The following TMOD1 variants were observed in gnomAD, a reference collection of about 807,000 sequenced individuals.
TMOD1 encodes tropomodulin-1.
TMOD1 carries 17 observed loss-of-function variants against 40.6 expected under a neutral mutation model. The ratio of observed to expected loss-of-function variants is 0.42; its 90% CI spans 0.29 to 0.63. TMOD1 has a LOEUF of 0.63. Among genes scored for constraint, TMOD1 ranks in the 20% least tolerant of loss-of-function variants. The probability of loss-of-function intolerance (pLI) is 0.22; values close to 1 mark genes in which losing one functional copy is unlikely to be tolerated. For missense variants in TMOD1, 391 were observed against 447.6 expected, an observed-to-expected ratio of 0.87 and a Z score of 1.14; for synonymous variants, 181 against 175.0, an observed-to-expected ratio of 1.03 and a Z score of -0.27.
chr9:97,560,728 G>T (rs929466274), intron 4 of TMOD1, among the ~76,000 whole-genome samples: 2 of 150,454 alleles, frequency 1.3e-5, no homozygotes, highest in Non-Finnish European at 3.0e-5. Flanking sequence ...AAAAATTACA[G>T]GATGACACTC....
chr9:97,577,821 T>C (rs1825644335), intron 8 of TMOD1, among the ~76,000 whole-genome samples: 1 of 152,204 alleles, frequency 6.6e-6, no homozygotes, highest in Non-Finnish European at 1.5e-5. Flanking sequence ...TAGTTTTCCT[T>C]AGATTGACAG....
At chr9:97,570,357 T>G (rs916895033) in intron 8 of TMOD1, among the ~76,000 whole-genome samples, 1 of 152,230 alleles carries the variant, frequency 6.6e-6, no homozygotes, top group Non-Finnish European at 1.5e-5. Flanking sequence ...GAAGTTTCAC[T>G]TTATCTTAGT....
intron 6 of TMOD1, among the ~76,000 whole-genome samples, chr9:97,565,034 A>T (rs1830706177): frequency 1.3e-5 from 2 of 152,172 alleles, no homozygotes; most frequent in South Asian, 4.1e-4. Flanking sequence ...AGCTAAAGTG[A>T]CGCTCTGAGA....
chr9:97,554,468 A>C (rs1388153461), intron 4 of TMOD1, among the ~76,000 whole-genome samples: 2 of 151,526 alleles, frequency 1.3e-5, no homozygotes, highest in Non-Finnish European at 2.9e-5. Context: ...TTCCCATTCA[A>C]GATAGAGATT....
At chr9:97,509,684 C>T (rs1829664362) in intron 1 of TMOD1, among the ~76,000 whole-genome samples, 2 of 151,770 alleles carry the variant, frequency 1.3e-5, no homozygotes. Flanking sequence ...TTAGGCGAGA[C>T]GGGGTTTCAC....
Position 97,601,648 on chromosome 9 carries a change from C to T in TMOD1, c.*1950C>T. The T allele has an allele frequency of 1.1e-6, 1 of 895,026 alleles. No homozygotes were observed. The highest frequency in any genetic ancestry group is 1.3e-6 in the Non-Finnish European group (1 of 746,640). The allele number at this position is 895,026 out of a possible 1,614,324, so 55.4% of individuals were successfully genotyped here. A position where few individuals can be genotyped will look rare whatever the true frequency, so the allele number is the denominator to read the frequency against. ...CAGTAAAAATTTCCGATTTTGCAGG[C>T]CACATAGTGTCTGTTGCAACTATTC... is the stretch of plus-strand genomic sequence containing the variant. On this transcript the variant is annotated 3_prime_UTR_variant, in exon 10 of 10. Coordinates refer to ENST00000259365, the MANE Select transcript of TMOD1 (RefSeq NM_003275.4).
chr9:97,529,038 C>T (rs1830058342), intron 2 of TMOD1, among the ~76,000 whole-genome samples: 2 of 152,230 alleles, frequency 1.3e-5, no homozygotes, highest in Non-Finnish European at 2.9e-5. Flanking sequence ...TCCAAAGTCC[C>T]ACAACTAGGC....
At chr9:97,599,537 C>CAATT in intron 9 of TMOD1, 97 bp from the exon 10 acceptor site, 1 of 1,494,136 alleles carries the variant, frequency 6.7e-7, no homozygotes, top group Non-Finnish European at 9.2e-7. Flanking sequence ...GTTAACAAAC[C>CAATT]AATTAGTGCG....
rs1321605386 is a variant in TMOD1 at position 97,568,930 on chromosome 9, A to G, written c.763A>G (p.Lys255Glu). 6.2e-7 allele frequency: 1 copy of G among 1,614,132 alleles called. No individual in the cohort carries two copies. Among genetic ancestry groups the G allele is most frequent in the Admixed American group, 1.7e-5 (1 of 60,022 alleles). ...GATGCTCAAGGAGAACAAGGTGTTG[A>G]AGACACTGAATGTGGAATCCAACTT... ...AEMLKENKVL[K>E]TLNVESNFIS... is the part of the protein sequence containing the mutation. The change falls in exon 8 of 10, where the codon AAG becomes GAG. Residue 255 changes from lysine (K) to glutamate (E), a missense_variant. Transcript: ENST00000259365.
intron 8 of TMOD1, among the ~76,000 whole-genome samples, chr9:97,571,648 A>G (rs73550778): frequency 0.033 from 4,962 of 152,342 alleles, 292 homozygotes; most frequent in African/African-American, 0.11. Flanking sequence ...AGATGAGGAA[A>G]CGGAGTGCCA....
intron 1 of TMOD1, among the ~76,000 whole-genome samples, chr9:97,507,805 G>T (rs1274773824): frequency 6.6e-6 from 1 of 152,152 alleles, no homozygotes; most frequent in East Asian, 1.9e-4. Context: ...GACTCTTGGT[G>T]TCTGATAGTA....
intron 9 of TMOD1, among the ~76,000 whole-genome samples, chr9:97,594,217 C>G (rs1159283923): frequency 6.6e-6 from 1 of 152,198 alleles, no homozygotes; most frequent in Non-Finnish European, 1.5e-5. Flanking sequence ...AGAGATGAAT[C>G]ATCTCAGTGA....
chr9:97,502,742 A>C lies in TMOD1; in HGVS notation c.-49+939A>C, dbSNP rs896035168. ...GGCCGTCGGATATCCTAAGCCGTACAACCCTAGGAAGTGCACTTTTGGGGT... is the reference window on the plus strand; with the variant it reads ...GGCCGTCGGATATCCTAAGCCGTACCACCCTAGGAAGTGCACTTTTGGGGT... On this transcript the variant is annotated intron_variant, in intron 1 of 9. Transcript: ENST00000259365. This position sits in a 1 kb window ranked among gnomAD's most constrained non-coding sequence, Gnocchi z 6.1. Among the ~76,000 whole-genome samples, 1 of 152,162 alleles carries C rather than the reference A, an allele frequency of 6.6e-6. No homozygotes were observed. The highest frequency in any genetic ancestry group is 2.4e-5 in the African/African-American group (1 of 41,444).
chr9:97,546,929 C>CAAAAAA (rs71308254), intron 3 of TMOD1, among the ~76,000 whole-genome samples: 29 of 55,198 alleles, frequency 5.3e-4, no homozygotes, highest in Admixed American at 8.9e-4. Context: ...ACTCCGTCTC[C>CAAAAAA]AAAAAAAAAA....
Position 97,531,035 on chromosome 9 carries a change from C to CG in TMOD1, c.120+6727_120+6728insG, listed in dbSNP as rs903189707. Among the ~76,000 whole-genome samples the CG allele has an allele frequency of 7.2e-5, 9 of 124,700 alleles. 1 individual carries two copies. Among genetic ancestry groups the CG allele is most frequent in the Admixed American group, 2.3e-4 (3 of 12,906 alleles). 81.8% of individuals were successfully genotyped at this position (124,700 alleles called of 152,430 possible). On this transcript the variant is annotated intron_variant, in intron 2 of 9. Transcript: ENST00000259365. ...ACTCCTGACCTTAGGTGATCCACAC[C>CG]CACCCCCCCCACCACCCCTTGGCCT...
intron 8 of TMOD1, among the ~76,000 whole-genome samples, chr9:97,590,576 A>C (rs1825980321): frequency 6.6e-6 from 1 of 151,278 alleles, no homozygotes; most frequent in Admixed American, 6.6e-5. Context: ...TGAGACTGTG[A>C]TGAACATCCT....
rs1483065615 is a variant in TMOD1 at position 97,502,557 on chromosome 9, C to T, written c.-49+754C>T. Among the ~76,000 whole-genome samples the T allele has an allele frequency of 6.6e-6, 1 of 152,142 alleles. No homozygotes were observed. Among genetic ancestry groups the T allele is most frequent in the Non-Finnish European group, 1.5e-5 (1 of 68,010 alleles). The stretch of plus-strand genomic sequence containing the variant: ...CCGCGATGGAGCTGGGAGCCCAAGC[C>T]CTGAGAGCTGCAGGGCGCGCTCTTG... On this transcript the variant is annotated intron_variant, in intron 1 of 9. Transcript: ENST00000259365. The surrounding 1 kb of genome is among the most constrained non-coding windows in gnomAD (Gnocchi z 6.1).
chr9:97,546,387 A>C, intron 3 of TMOD1, 46 bp downstream of exon 3: 1 of 1,583,194 alleles, frequency 6.3e-7, no homozygotes, highest in Non-Finnish European at 8.6e-7. Flanking sequence ...CCCATGCACC[A>C]TTGAGTGCCG....
chr9:97,508,002 T>TG (rs1008500343), intron 1 of TMOD1, among the ~76,000 whole-genome samples: 5 of 151,568 alleles, frequency 3.3e-5, no homozygotes, highest in African/African-American at 1.2e-4. Context: ...ATTAGTCCTT[T>TG]GGGGGGCCTT....
Sources: gnomAD v4.1 joint callset for allele counts (sites outside exome capture counted in the v4.1 genomes callset) on GRCh38, gnomAD v4.1.1 for gene constraint, Gnocchi (gnomAD v3.1) non-coding constraint, MANE v1.5 for transcripts, NCBI Gene and HGNC (gene_info 2026-07-23, HGNC 2026-07-21) for gene names.